The following LHFPL3 variants were observed in gnomAD, a reference collection of about 807,000 sequenced individuals.
LHFPL3 encodes LHFPL tetraspan subfamily member 3 protein.
LHFPL3 carries 5 observed loss-of-function variants against 19.3 expected under a neutral mutation model. The observed-to-expected ratio is 0.26, with a 90% confidence interval of 0.14 to 0.54. The LOEUF (loss-of-function observed/expected upper bound fraction) is 0.54, where lower values mean the gene tolerates loss of function less well. LHFPL3 is among the 20% of genes least tolerant of loss of function. LHFPL3 has a pLI of 0.94. For missense variants in LHFPL3, 249 were observed against 307.4 expected (o/e 0.81, Z 1.42); for synonymous variants, 133 against 126.2 (o/e 1.05, Z -0.36).
intron 1 of LHFPL3, among the ~76,000 whole-genome samples, chr7:104,659,630 T>A (rs1026889114): frequency 6.6e-6 from 1 of 152,172 alleles, no homozygotes; most frequent in African/African-American, 2.4e-5. Flanking sequence ...AAGAAACTAC[T>A]TTTCAACACA....
At chr7:104,568,878 G>A (rs544546614) in intron 1 of LHFPL3, among the ~76,000 whole-genome samples, 2 of 152,186 alleles carry the variant, frequency 1.3e-5, no homozygotes, top group South Asian at 4.1e-4. Context: ...CCCATGACTG[G>A]GCTTCTTTGG....
rs1201161594 is a variant in LHFPL3, at chr7:104,754,671, G to T, written c.682+17760G>T. Reference sequence around the variant, plus strand: ...ATAAATGTTAGCAATAATTGCGAAAGAACCCTGGCCTCATGATGCAGATCA... The same window carrying T: ...ATAAATGTTAGCAATAATTGCGAAATAACCCTGGCCTCATGATGCAGATCA... On this transcript the variant is annotated intron_variant, in intron 2 of 2. Transcript: ENST00000424859. Among the ~76,000 whole-genome samples the T allele has an allele frequency of 2.6e-5, 4 of 152,192 alleles. No homozygotes were observed. In the East Asian group the frequency reaches 7.7e-4, roughly 29 times the overall value.
chr7:104,680,119 G>A (rs1792668706), intron 1 of LHFPL3, among the ~76,000 whole-genome samples: 1 of 152,182 alleles, frequency 6.6e-6, no homozygotes. Flanking sequence ...CAGAGTCGCA[G>A]AGAGGAAGGA....
intron 1 of LHFPL3, among the ~76,000 whole-genome samples, chr7:104,558,452 TG>T (rs1789907548): frequency 1.3e-5 from 2 of 152,154 alleles, no homozygotes; most frequent in African/African-American, 4.8e-5. Flanking sequence ...TTTTTTCATG[TG>T]TTTTTTGGCT....
chr7:104,334,824 T>C (rs547719579), intron 1 of LHFPL3, among the ~76,000 whole-genome samples: 1 of 152,316 alleles, frequency 6.6e-6, no homozygotes, highest in South Asian at 2.1e-4. Context: ...CCATTTATTT[T>C]CTCATTAAAA....
chr7:104,807,700 G>A (rs954598366), intron 2 of LHFPL3, among the ~76,000 whole-genome samples: 1 of 152,240 alleles, frequency 6.6e-6, no homozygotes, highest in Non-Finnish European at 1.5e-5. Context: ...AGGAGCAGCA[G>A]CAGGAAGAAG....
At chr7:104,480,909 G>A (rs1160869121) in intron 1 of LHFPL3, among the ~76,000 whole-genome samples, 1 of 152,160 alleles carries the variant, frequency 6.6e-6, no homozygotes, top group Admixed American at 6.5e-5. Flanking sequence ...AGCGAACAGT[G>A]AGACTTACCT....
At chr7:104,416,527 G>A (rs1219419678) in intron 1 of LHFPL3, among the ~76,000 whole-genome samples, 2 of 152,148 alleles carry the variant, frequency 1.3e-5, no homozygotes, top group Non-Finnish European at 2.9e-5. Flanking sequence ...TGGCAAAAGT[G>A]AATCCTAGGG....
intron 2 of LHFPL3, among the ~76,000 whole-genome samples, chr7:104,842,366 G>C (rs1584570385): frequency 6.6e-6 from 1 of 152,054 alleles, no homozygotes; most frequent in Admixed American, 6.5e-5. Context: ...TTACACCTAG[G>C]AATCTACATG....
At chr7:104,668,954 C>G in intron 1 of LHFPL3, 1 of 1,612,416 alleles carries the variant, frequency 6.2e-7, no homozygotes, top group East Asian at 2.2e-5. Context: ...GAGAGACACC[C>G]AAGCTGGCAA....
intron 1 of LHFPL3, among the ~76,000 whole-genome samples, chr7:104,343,291 G>A (rs1789993398): frequency 6.6e-6 from 1 of 151,730 alleles, no homozygotes; most frequent in Admixed American, 6.6e-5. Context: ...GAGGAGGGCG[G>A]ATCATGAGGT....
At chr7:104,682,007 A>C (rs1007429540) in intron 1 of LHFPL3, among the ~76,000 whole-genome samples, 5 of 152,370 alleles carry the variant, frequency 3.3e-5, no homozygotes, top group African/African-American at 1.2e-4. Context: ...GATAATAATT[A>C]CATCTCTTCA....
At chr7:104,602,665 A>G (rs1365837087) in intron 1 of LHFPL3, among the ~76,000 whole-genome samples, 4 of 152,360 alleles carry the variant, frequency 2.6e-5, no homozygotes, top group Non-Finnish European at 5.9e-5. Flanking sequence ...ATTCAAATCA[A>G]TCACCGAAAT....
At chr7:104,557,548 G>C (rs948333562) in intron 1 of LHFPL3, among the ~76,000 whole-genome samples, 2 of 152,114 alleles carry the variant, frequency 1.3e-5, no homozygotes, top group African/African-American at 2.4e-5. Flanking sequence ...GGAATTGTGG[G>C]AGTTACAATT....
At chr7:104,381,669 T>C (rs1379427444) in intron 1 of LHFPL3, among the ~76,000 whole-genome samples, 1 of 152,196 alleles carries the variant, frequency 6.6e-6, no homozygotes. Flanking sequence ...CCTGCTTTCA[T>C]AGGACTTAAA....
chr7:104,853,449 T>G (rs1379402095), intron 2 of LHFPL3, among the ~76,000 whole-genome samples: 1 of 152,164 alleles, frequency 6.6e-6, no homozygotes, highest in Non-Finnish European at 1.5e-5. Flanking sequence ...AATATGTCTG[T>G]TTTTGCCTTT....
At chr7:104,757,056 C>G (rs1794299130) in intron 2 of LHFPL3, among the ~76,000 whole-genome samples, 1 of 152,146 alleles carries the variant, frequency 6.6e-6, no homozygotes. Flanking sequence ...TAAAGCTGCA[C>G]ACCTACAACC....
At position 104,518,611 on chromosome 7, in the gene LHFPL3, C is replaced by T. The variant is rs546681921; in HGVS notation, c.445+189387C>T. Reference sequence around the variant, plus strand: ...CCAGCCTGGCCAACATGGCGAAACCCTGTCTCCATTAAAAATACAAAAATT... The same window carrying T: ...CCAGCCTGGCCAACATGGCGAAACCTTGTCTCCATTAAAAATACAAAAATT... On this transcript the variant is annotated intron_variant, in intron 1 of 2. Coordinates refer to ENST00000424859, the MANE Select transcript of LHFPL3 (RefSeq NM_199000.3). Among the ~76,000 whole-genome samples, 31 of 152,264 alleles carry T rather than the reference C, an allele frequency of 2.0e-4. No homozygotes were observed. The South Asian group carries it at 6.4e-3, about 32-fold the overall frequency.
chr7:104,842,435 C>T (rs1791232745), intron 2 of LHFPL3, among the ~76,000 whole-genome samples: 1 of 152,056 alleles, frequency 6.6e-6, no homozygotes, highest in Non-Finnish European at 1.5e-5. Flanking sequence ...AAGAGACTGC[C>T]ATTGAACACT....
Sources: gnomAD v4.1 joint callset for allele counts (sites outside exome capture counted in the v4.1 genomes callset) on GRCh38, gnomAD v4.1.1 for gene constraint, MANE v1.5 for transcripts, NCBI Gene and HGNC (gene_info 2026-07-23, HGNC 2026-07-21) for gene names.